Variants in MAN1C1 observed in about 807,000 individuals in gnomAD.
MAN1C1 encodes the protein mannosidase alpha class 1C member 1, also known as mannosyl-oligosaccharide 1,2-alpha-mannosidase IC.
Under a neutral mutation model 71.5 loss-of-function variants are expected in MAN1C1, and 49 were observed. The ratio of observed to expected loss-of-function variants is 0.69; its 90% confidence interval spans 0.54 to 0.87. MAN1C1 has a LOEUF of 0.87. MAN1C1 is among the 40% of genes least tolerant of loss of function. The pLI is 0.00. For missense variants in MAN1C1, 743 were observed against 835.0 expected (o/e 0.89, Z 1.36); for synonymous variants, 352 against 343.7 (o/e 1.02, Z -0.27).
chr1:25,745,970 G>A (rs545947343), intron 2 of MAN1C1, among the ~76,000 whole-genome samples: 5 of 151,786 alleles, frequency 3.3e-5, no homozygotes, highest in East Asian at 1.9e-4. Flanking sequence ...CAGTCTGAGC[G>A]ACAGAACAAG....
At position 25,725,096 on chromosome 1, in the gene MAN1C1, G is replaced by A. The variant is rs1356018565; in HGVS notation, c.638-21572G>A. On this transcript the variant is annotated intron_variant, in intron 2 of 11. Transcript: ENST00000374332. This position sits in a 1 kb window ranked among gnomAD's most constrained non-coding sequence, Gnocchi z 4.8. ...GTAATTAGCCAAGGAAAATGAATGT[G>A]GGAGCTGCCTTTTGTCAAAGCACCA... Among the ~76,000 whole-genome samples, 1 of 152,166 alleles carries A rather than the reference G, an allele frequency of 6.6e-6. No individual in the cohort carries two copies. The highest frequency in any genetic ancestry group is 1.5e-5 in the Non-Finnish European group (1 of 68,028).
chr1:25,645,573 C>T (rs1047063729), intron 1 of MAN1C1: 2 of 152,238 alleles, frequency 1.3e-5, no homozygotes, highest in Admixed American at 1.3e-4. Context: ...TTTGTCTTTA[C>T]TCAGTGACCA....
At chr1:25,704,186 C>T (rs1470306651) in intron 2 of MAN1C1, among the ~76,000 whole-genome samples, 1 of 152,228 alleles carries the variant, frequency 6.6e-6, no homozygotes, top group Admixed American at 6.5e-5. Flanking sequence ...TCTAGCCACC[C>T]AGCCCCTTTA....
At chr1:25,683,344 G>T (rs183885419) in intron 1 of MAN1C1, among the ~76,000 whole-genome samples, 1 of 152,174 alleles carries the variant, frequency 6.6e-6, no homozygotes, top group African/African-American at 2.4e-5. Flanking sequence ...TTGTTTGCCT[G>T]TTATATGTCT....
intron 11 of MAN1C1, 119 bp from the exon 12 acceptor site, chr1:25,783,544 G>T: frequency 2.5e-6 from 3 of 1,183,772 alleles, no homozygotes; most frequent in African/African-American, 3.0e-5. Context: ...GGGTTGCAAG[G>T]CTCCAGACCT....
intron 2 of MAN1C1, among the ~76,000 whole-genome samples, chr1:25,744,973 A>G (rs192681960): frequency 7.9e-5 from 12 of 152,290 alleles, no homozygotes; most frequent in South Asian, 4.2e-4. Context: ...AAAGGAAACT[A>G]CTGCTGCCTG....
intron 2 of MAN1C1, among the ~76,000 whole-genome samples, chr1:25,705,131 AT>A (rs1228361349): frequency 1.3e-5 from 2 of 152,254 alleles, no homozygotes; most frequent in Non-Finnish European, 2.9e-5. Context: ...GATCAGTTTA[AT>A]ACATGCCCAT....
At chr1:25,759,391 G>GTCCC (rs1440138544) in intron 6 of MAN1C1, 4 of 152,540 alleles carry the variant, frequency 2.6e-5, no homozygotes, top group African/African-American at 9.6e-5. Flanking sequence ...AGCAGCTACA[G>GTCCC]TCCCTCCCTG....
Position 25,711,669 on chromosome 1 carries a change from G to T in MAN1C1, c.637+25133G>T, listed in dbSNP as rs1266753440. ...CCCCGCCCCTCCTCCCTGCGGCCCC[G>T]CCCCTCCCCTGCGTGCTGCAAGCCT... On this transcript the variant is annotated intron_variant, in intron 2 of 11. Coordinates refer to ENST00000374332, the MANE Select transcript of MAN1C1 (RefSeq NM_020379.4). The surrounding 1 kb of genome is among the most constrained non-coding windows in gnomAD (Gnocchi z 4.3). Among the ~76,000 whole-genome samples, 1 of 88,838 alleles carries T rather than the reference G, an allele frequency of 1.1e-5. No individual in the cohort carries two copies. Among genetic ancestry groups the T allele is most frequent in the Non-Finnish European group, 2.3e-5 (1 of 43,138 alleles). The allele number at this position is 88,838 out of a possible 152,430, so 58.3% of individuals were successfully genotyped here.
intron 1 of MAN1C1, among the ~76,000 whole-genome samples, chr1:25,684,295 A>C (rs902658220): frequency 6.6e-6 from 1 of 152,136 alleles, no homozygotes; most frequent in Non-Finnish European, 1.5e-5. Flanking sequence ...CCTGGCAATT[A>C]TTTGTTGTTA....
chr1:25,637,712 G>A (rs2982302), intron 1 of MAN1C1, among the ~76,000 whole-genome samples: 36,171 of 151,362 alleles, frequency 0.24, 4,371 homozygotes, highest in East Asian at 0.37. Context: ...GTTTTGCTTC[G>A]TATTTTTTAT....
chr1:25,664,347 T>C (rs1163980665), intron 1 of MAN1C1, among the ~76,000 whole-genome samples: 2 of 152,058 alleles, frequency 1.3e-5, no homozygotes, highest in African/African-American at 4.8e-5. Flanking sequence ...TTCAAAACCA[T>C]GGGGGAGAAA....
chr1:25,666,565 T>C (rs1418412259), intron 1 of MAN1C1, among the ~76,000 whole-genome samples: 1 of 152,138 alleles, frequency 6.6e-6, no homozygotes, highest in East Asian at 1.9e-4. Context: ...GCCATCCTCC[T>C]TAGAAAAGGC....
At chr1:25,774,699 A>G (rs1008370783) in intron 8 of MAN1C1, among the ~76,000 whole-genome samples, 1 of 152,206 alleles carries the variant, frequency 6.6e-6, no homozygotes, top group Non-Finnish European at 1.5e-5. Context: ...AACTTGCCCA[A>G]GGTCATCTAG....
chr1:25,783,300 C>G (rs2047722715), intron 11 of MAN1C1, among the ~76,000 whole-genome samples: 1 of 152,172 alleles, frequency 6.6e-6, no homozygotes, highest in African/African-American at 2.4e-5. Context: ...AATATAGAGT[C>G]TTAGTGGGCA....
At position 25,616,994 on chromosome 1, in the gene MAN1C1, C is replaced by T. The variant is rs1329001350; in HGVS notation, c.-804C>T. Reference sequence around the variant, plus strand: ...CGGGAACAGGTGATCCCAGTGGGAGCCCCGCGCCCTGCCGAGTTCGAGGGG... The same window carrying T: ...CGGGAACAGGTGATCCCAGTGGGAGTCCCGCGCCCTGCCGAGTTCGAGGGG... On this transcript the variant is annotated 5_prime_UTR_variant, in exon 1 of 12. Transcript: ENST00000374332. This position sits in a 1 kb window ranked among gnomAD's most constrained non-coding sequence, Gnocchi z 5.6. Among the ~76,000 whole-genome samples, 2 of 151,590 alleles carry T rather than the reference C, an allele frequency of 1.3e-5. No individual in the cohort carries two copies. Among genetic ancestry groups the T allele is most frequent in the East Asian group, 3.9e-4 (2 of 5,126 alleles).
At chr1:25,630,996 G>T (rs150454070) in intron 1 of MAN1C1, among the ~76,000 whole-genome samples, 1 of 151,930 alleles carries the variant, frequency 6.6e-6, no homozygotes, top group African/African-American at 2.4e-5. Flanking sequence ...ACAGAGTCTC[G>T]CTCTGTCGCC....
At chr1:25,696,766 C>T (rs2046375024) in intron 2 of MAN1C1, among the ~76,000 whole-genome samples, 1 of 152,296 alleles carries the variant, frequency 6.6e-6, no homozygotes, top group Non-Finnish European at 1.5e-5. Flanking sequence ...CCCACCTCAG[C>T]CTCTGGGTAG....
intron 1 of MAN1C1, among the ~76,000 whole-genome samples, chr1:25,629,500 ATCT>A (rs2045348633): frequency 6.6e-6 from 1 of 152,116 alleles, no homozygotes; most frequent in South Asian, 2.1e-4. Context: ...CAGTGGTGCG[ATCT>A]TGGCTCACTG....
Sources: gnomAD v4.1 joint callset for allele counts (sites outside exome capture counted in the v4.1 genomes callset) on GRCh38, gnomAD v4.1.1 for gene constraint, Gnocchi (gnomAD v3.1) non-coding constraint, MANE v1.5 for transcripts, NCBI Gene and HGNC (gene_info 2026-07-23, HGNC 2026-07-21) for gene names.